Variants in WNT3 observed in about 807,000 individuals in gnomAD.
WNT3 encodes the protein proto-oncogene Wnt-3.
In WNT3, 7 loss-of-function variants were observed where a neutral mutation model predicts 34.2. The ratio of observed to expected loss-of-function variants is 0.20; its 90% CI spans 0.12 to 0.38. The LOEUF (loss-of-function observed/expected upper bound fraction) is 0.38. WNT3 is among the 10% of genes least tolerant of loss of function. The pLI, the probability that WNT3 is intolerant of heterozygous loss-of-function variation, is 1.00. For missense variants in WNT3, 267 were observed against 499.8 expected, an observed-to-expected ratio of 0.53 and a Z score of 4.44; for synonymous variants, 212 against 211.5, an observed-to-expected ratio of 1.00 and a Z score of -0.02.
In WNT3 at chr17:46,806,395, G is replaced by A. The variant is rs141391572; in HGVS notation, c.80+12123C>T. 2.1e-3 allele frequency among the ~76,000 whole-genome samples: 322 copies of A among 152,068 alleles called. 2 individuals are homozygous for A. The highest frequency in any genetic ancestry group is 1.4e-3 in the Non-Finnish European group (98 of 67,994). On this transcript the variant is annotated intron_variant, in intron 1 of 4. Coordinates refer to ENST00000225512, the MANE Select transcript of WNT3 (RefSeq NM_030753.5). ...CGGCTAATTTTGTATTTTTAGTAGA[G>A]TTGGGGTTTATCCATGTTGGTCAGG... is the stretch of plus-strand genomic sequence containing the variant.
chr17:46,782,332 T>A (rs2059468379), intron 1 of WNT3, among the ~76,000 whole-genome samples: 1 of 152,050 alleles, frequency 6.6e-6, no homozygotes, highest in Non-Finnish European at 1.5e-5. Flanking sequence ...AGAAATCACC[T>A]CTCCTGTGGT....
chr17:46,785,441 G>A (rs974172337), intron 1 of WNT3, among the ~76,000 whole-genome samples: 9 of 152,334 alleles, frequency 5.9e-5, no homozygotes, highest in African/African-American at 1.7e-4. Flanking sequence ...CCATGCACAC[G>A]GAGAAAAGAT....
intron 2 of WNT3, among the ~76,000 whole-genome samples, chr17:46,773,163 C>G (rs998486393): frequency 2.6e-5 from 4 of 152,088 alleles, no homozygotes; most frequent in Non-Finnish European, 5.9e-5. Flanking sequence ...ACCCTCTAGC[C>G]CCACCATGAT....
chr17:46,779,359 G>A (rs751570437), intron 1 of WNT3, among the ~76,000 whole-genome samples: 1 of 152,308 alleles, frequency 6.6e-6, no homozygotes, highest in African/African-American at 2.4e-5. Flanking sequence ...CAGCTGGTGA[G>A]GGGGAGGGCG....
At chr17:46,773,233 G>T (rs1189680743) in intron 2 of WNT3, among the ~76,000 whole-genome samples, 2 of 152,068 alleles carry the variant, frequency 1.3e-5, no homozygotes, top group African/African-American at 4.8e-5. Flanking sequence ...GGGGCTCTTG[G>T]GGGCAACGCA....
At chr17:46,770,108 C>A in intron 2 of WNT3, 60 bp from the exon 3 acceptor site, 1 of 1,487,910 alleles carries the variant, frequency 6.7e-7, no homozygotes, top group Non-Finnish European at 8.9e-7. Flanking sequence ...CCTGCCCTGC[C>A]TCCACCTCCC....
At chr17:46,780,036 C>T (rs2059447199) in intron 1 of WNT3, among the ~76,000 whole-genome samples, 2 of 152,210 alleles carry the variant, frequency 1.3e-5, no homozygotes, top group South Asian at 4.1e-4. Flanking sequence ...GGATTACAGG[C>T]GTAAGCCACC....
intron 1 of WNT3, among the ~76,000 whole-genome samples, chr17:46,801,547 G>A (rs537907381): frequency 7.2e-5 from 11 of 152,302 alleles, no homozygotes; most frequent in African/African-American, 2.6e-4. Flanking sequence ...TTGAACCTGG[G>A]AGGCGGAGGC....
At chr17:46,773,534 G>T in intron 2 of WNT3, 134 bp downstream of exon 2, 1 of 1,051,814 alleles carries the variant, frequency 9.5e-7, no homozygotes, top group Non-Finnish European at 1.4e-6. Flanking sequence ...TGGCAGTCAT[G>T]CAACCAAATT....
At chr17:46,812,071 C>G (rs1211536723) in intron 1 of WNT3, among the ~76,000 whole-genome samples, 1 of 152,228 alleles carries the variant, frequency 6.6e-6, no homozygotes, top group African/African-American at 2.4e-5. Context: ...CGTTTTCCAG[C>G]CCGTCGCCAT....
At chr17:46,792,272 G>C (rs114706730) in intron 1 of WNT3, among the ~76,000 whole-genome samples, 2 of 152,168 alleles carry the variant, frequency 1.3e-5, no homozygotes, top group African/African-American at 4.8e-5. Flanking sequence ...TGACGTCATG[G>C]AGCACCTTTT....
chr17:46,778,010 T>C (rs1041075016), intron 1 of WNT3, among the ~76,000 whole-genome samples: 12 of 152,202 alleles, frequency 7.9e-5, no homozygotes, highest in Admixed American at 7.2e-4. Context: ...TCTTAACCTC[T>C]ATACCTCAGT....
intron 1 of WNT3, among the ~76,000 whole-genome samples, chr17:46,786,857 A>G (rs1462969204): frequency 6.6e-6 from 1 of 152,046 alleles, no homozygotes; most frequent in Non-Finnish European, 1.5e-5. Context: ...CATTCTAGAA[A>G]CCCTGGTGGG....
At chr17:46,770,934 G>T (rs570074345) in intron 2 of WNT3, among the ~76,000 whole-genome samples, 2 of 152,374 alleles carry the variant, frequency 1.3e-5, no homozygotes, top group African/African-American at 4.8e-5. Context: ...CTCTCCTCAT[G>T]GCAGGACCCG....
Position 46,768,822 on chromosome 17 carries a change from G to A in WNT3, c.589-23C>T. ...AGTCTGGGGGAGAGAAGTGGCAGCTGGCCAACAGACCGACCCCACGAGGGG... is the reference window on the plus strand; with the variant it reads ...AGTCTGGGGGAGAGAAGTGGCAGCTAGCCAACAGACCGACCCCACGAGGGG... On this transcript the variant is annotated intron_variant, in intron 3 of 4. Coordinates refer to ENST00000225512, the MANE Select transcript of WNT3 (RefSeq NM_030753.5). The surrounding 1 kb of genome is among the most constrained non-coding windows in gnomAD (Gnocchi z 5.0). 6.2e-7 allele frequency: 1 copy of A among 1,610,008 alleles called. No homozygotes were observed.
At chr17:46,805,705 T>G (rs369976477) in intron 1 of WNT3, among the ~76,000 whole-genome samples, 1 of 152,200 alleles carries the variant, frequency 6.6e-6, no homozygotes, top group Non-Finnish European at 1.5e-5. Context: ...GGGCTGTGAT[T>G]GTACCACTGC....
chr17:46,764,816 A>G (rs2059299226), intron 4 of WNT3, among the ~76,000 whole-genome samples, 195 bp from the exon 5 acceptor site: 1 of 152,192 alleles, frequency 6.6e-6, no homozygotes, highest in Non-Finnish European at 1.5e-5. Flanking sequence ...TATGAGTCAC[A>G]GGAGCAGTAA....
intron 1 of WNT3, among the ~76,000 whole-genome samples, chr17:46,815,887 A>G (rs1384611553): frequency 6.6e-6 from 1 of 152,006 alleles, no homozygotes; most frequent in Non-Finnish European, 1.5e-5. Context: ...ATTCATACCC[A>G]CAGGTAGATG....
chr17:46,789,757 A>C (rs867740967), intron 1 of WNT3, among the ~76,000 whole-genome samples: 2 of 152,188 alleles, frequency 1.3e-5, no homozygotes, highest in African/African-American at 2.4e-5. Flanking sequence ...CCAGGGCTCC[A>C]GCTTGGACCT....
Sources: gnomAD v4.1 joint callset for allele counts (sites outside exome capture counted in the v4.1 genomes callset) on GRCh38, gnomAD v4.1.1 for gene constraint, Gnocchi (gnomAD v3.1) non-coding constraint, MANE v1.5 for transcripts, NCBI Gene and HGNC (gene_info 2026-07-23, HGNC 2026-07-21) for gene names.